Variants in ATP2B4 observed in about 807,000 individuals in gnomAD.
ATP2B4 encodes the protein ATPase plasma membrane Ca2+ transporting 4.
Under a neutral mutation model 110.3 loss-of-function variants are expected in ATP2B4, and 39 were observed. The ratio of observed to expected loss-of-function variants is 0.35; its 90% CI spans 0.27 to 0.46. The LOEUF (loss-of-function observed/expected upper bound fraction) is 0.46. Ranked by LOEUF, ATP2B4 falls within the 20% of genes least tolerant of loss-of-function variation. ATP2B4 has a pLI of 1.00. For missense variants in ATP2B4, 1,135 were observed against 1,530.9 expected, an observed-to-expected ratio of 0.74 and a Z score of 4.32; for synonymous variants, 538 against 571.7, an observed-to-expected ratio of 0.94 and a Z score of 0.84.
At chr1:203,675,493 T>A (rs1664801724) in intron 1 of ATP2B4, among the ~76,000 whole-genome samples, 1 of 152,180 alleles carries the variant, frequency 6.6e-6, no homozygotes. Flanking sequence ...TTGGAAGATG[T>A]AGCCAGGACT....
chr1:203,631,680 G>A (rs1663272319), intron 1 of ATP2B4, among the ~76,000 whole-genome samples: 1 of 152,166 alleles, frequency 6.6e-6, no homozygotes, highest in Non-Finnish European at 1.5e-5. Flanking sequence ...CGGGAAGTTA[G>A]CAATATCTAA....
chr1:203,675,451 A>C (rs917088818), intron 1 of ATP2B4, among the ~76,000 whole-genome samples: 1 of 152,116 alleles, frequency 6.6e-6, no homozygotes, highest in Admixed American at 6.5e-5. Context: ...ATCCTTGCAC[A>C]TGCCCCCTCC....
At chr1:203,722,194 G>T (rs569507918) in intron 17 of ATP2B4, among the ~76,000 whole-genome samples, 1 of 152,232 alleles carries the variant, frequency 6.6e-6, no homozygotes, top group East Asian at 1.9e-4. Context: ...AATTAGCCAG[G>T]CATGGTGGTG....
intron 1 of ATP2B4, among the ~76,000 whole-genome samples, chr1:203,673,905 T>C (rs1256156440): frequency 1.3e-5 from 2 of 152,136 alleles, no homozygotes; most frequent in Admixed American, 6.5e-5. Flanking sequence ...CCCCTCTCCA[T>C]AAGCATGACA....
chr1:203,699,542 A>G lies in ATP2B4; in HGVS notation c.474A>G (p.Ser158=), dbSNP rs779826169. The G allele has an allele frequency of 8.1e-6, 13 of 1,614,144 alleles. No homozygotes were observed. The highest frequency in any genetic ancestry group is 1.1e-5 in the Non-Finnish European group (13 of 1,180,008). The change falls in exon 4 of 21, where the codon TCA becomes TCG. Residue 158 remains serine (S), a synonymous_variant. Transcript: ENST00000357681. ...GWIEGAAILF[S]VIIVVLVTAF... is the part of the protein sequence containing the mutation. Reference sequence around the variant, plus strand: ...TTGAGGGGGCAGCCATCCTTTTCTCAGTGATCATCGTGGTGTTAGTGACTG... The same window carrying G: ...TTGAGGGGGCAGCCATCCTTTTCTCGGTGATCATCGTGGTGTTAGTGACTG...
At position 203,712,233 on chromosome 1, in the gene ATP2B4, G is replaced by C; in HGVS notation, c.2211+94G>C. 5 of 1,392,708 alleles carry C rather than the reference G, an allele frequency of 3.6e-6. No homozygotes were observed. The South Asian group carries it at 6.8e-5, about 19-fold the overall frequency. The allele number at this position is 1,392,708 out of a possible 1,614,324, so 86.3% of individuals were successfully genotyped here. On this transcript the variant is annotated intron_variant, in intron 13 of 20. Coordinates refer to ENST00000357681, the MANE Select transcript of ATP2B4 (RefSeq NM_001684.5). Reference sequence around the variant, plus strand: ...CTGGGTCATGTGCGGGAAGGTGGGTGGTTTCTAAAGTGAAAGCTATTCGTA... The same window carrying C: ...CTGGGTCATGTGCGGGAAGGTGGGTCGTTTCTAAAGTGAAAGCTATTCGTA...
chr1:203,716,233 CA>C (rs1173417877), intron 15 of ATP2B4, among the ~76,000 whole-genome samples: 2 of 144,962 alleles, frequency 1.4e-5, no homozygotes, highest in African/African-American at 2.5e-5. Context: ...AAGAAAAAGA[CA>C]ATGGCAGAAT....
intron 1 of ATP2B4, among the ~76,000 whole-genome samples, chr1:203,653,737 A>C (rs1025518390): frequency 6.6e-6 from 1 of 151,936 alleles, no homozygotes; most frequent in Admixed American, 6.6e-5. Context: ...TTATATTTTT[A>C]GTAGAGACGG....
chr1:203,637,011 C>T (rs944382278), intron 1 of ATP2B4, among the ~76,000 whole-genome samples: 5 of 152,086 alleles, frequency 3.3e-5, no homozygotes, highest in Non-Finnish European at 7.3e-5. Flanking sequence ...CTTCCAAGGC[C>T]GTAATTCTGC....
At chr1:203,688,473 A>AT (rs5780192) in intron 2 of ATP2B4, among the ~76,000 whole-genome samples, 123,891 of 149,082 alleles carry the variant, frequency 0.83, 52,255 homozygotes, top group East Asian at 1. Flanking sequence ...TAATTTTTGT[A>AT]TTTTTTTTTG....
intron 2 of ATP2B4, among the ~76,000 whole-genome samples, chr1:203,687,251 TAAGAAAGAAAAAGAAAGAA>T (rs897000147): frequency 1.6e-4 from 13 of 83,174 alleles, no homozygotes; most frequent in African/African-American, 4.3e-4. Context: ...GAGAAAAAAA[TAAGAAAGAAAAAGAAAGAA>T]AAGAAAGAAA....
At chr1:203,648,689 G>C (rs190938818) in intron 1 of ATP2B4, among the ~76,000 whole-genome samples, 156 of 152,306 alleles carry the variant, frequency 1.0e-3, no homozygotes, top group African/African-American at 3.5e-3. Context: ...CATGACTCTG[G>C]GGAAGGCTTG....
At chr1:203,700,172 C>T (rs1665649547) in intron 4 of ATP2B4, 34 bp from the exon 5 acceptor site, 4 of 1,600,568 alleles carry the variant, frequency 2.5e-6, no homozygotes, top group Middle Eastern at 3.3e-4. Context: ...CTTACTATCT[C>T]CTTCACTGTC....
At position 203,700,069 on chromosome 1, in the gene ATP2B4, T is replaced by C. The variant is rs1353198048; in HGVS notation, c.650-137T>C. The C allele has an allele frequency of 3.8e-6, 4 of 1,060,248 alleles. No homozygotes were observed. In the Admixed American group the frequency reaches 9.4e-5, roughly 25 times the overall value. 65.7% of individuals were successfully genotyped at this position (1,060,248 alleles called of 1,614,324 possible). A position where few individuals can be genotyped will look rare whatever the true frequency, so the allele number is the denominator to read the frequency against. On this transcript the variant is annotated intron_variant, in intron 4 of 20. Coordinates refer to ENST00000357681, the MANE Select transcript of ATP2B4 (RefSeq NM_001684.5). The stretch of plus-strand genomic sequence containing the variant: ...GCTGAAGACTTGTAAAGAGTCTCCA[T>C]GTACTCTCGGCCATTGCTGTCTAGA...
chr1:203,723,796 G>C, intron 18 of ATP2B4, 85 bp from the exon 19 acceptor site: 1 of 1,036,242 alleles, frequency 9.7e-7, no homozygotes, highest in South Asian at 1.6e-5. Flanking sequence ...GGAGTGGGAT[G>C]ATGTGGCTTT....
At chr1:203,735,002 C>CAAAAAAAAA (rs35552196) in intron 20 of ATP2B4, among the ~76,000 whole-genome samples, 11 of 57,120 alleles carry the variant, frequency 1.9e-4, no homozygotes, top group Admixed American at 5.5e-4. Flanking sequence ...GACTCCATCT[C>CAAAAAAAAA]AAAAAAAAAA....
At chr1:203,688,415 T>C (rs569213250) in intron 2 of ATP2B4, among the ~76,000 whole-genome samples, 10 of 152,082 alleles carry the variant, frequency 6.6e-5, no homozygotes, top group African/African-American at 2.4e-4. Flanking sequence ...CCTCCCACCT[T>C]AGCCTCCTGG....
Position 203,727,447 on chromosome 1 carries a change from A to G in ATP2B4, c.3185A>G (p.His1062Arg). The change falls in exon 20 of 21, where the codon CAT (histidine) becomes CGT (arginine). Residue 1062 changes from histidine to arginine, a missense_variant. Physicochemically the swap from His to Arg is conservative, Grantham distance 29. Transcript: ENST00000357681. Reference protein sequence around the residue: ...RSLKFLKEAGHGTTKEEITKD... With the variant: ...RSLKFLKEAGRGTTKEEITKD... Reference sequence around the variant, plus strand: ...CTGAAGTTCCTGAAGGAGGCTGGGCATGGCACCACCAAAGAGGAGATCACC... The same window carrying G: ...CTGAAGTTCCTGAAGGAGGCTGGGCGTGGCACCACCAAAGAGGAGATCACC... 2 of 1,614,218 alleles carry G rather than the reference A, an allele frequency of 1.2e-6. No individual in the cohort carries two copies. The highest frequency in any genetic ancestry group is 1.7e-6 in the Non-Finnish European group (2 of 1,180,020).
intron 1 of ATP2B4, among the ~76,000 whole-genome samples, chr1:203,660,921 G>A (rs1397696578): frequency 6.6e-6 from 1 of 151,636 alleles, no homozygotes; most frequent in Non-Finnish European, 1.5e-5. Flanking sequence ...GACCAGCTTG[G>A]CAACATGGTG....
Sources: allele counts gnomAD v4.1 joint callset (sites outside exome capture counted in the v4.1 genomes callset), GRCh38; gene constraint gnomAD v4.1.1; transcripts MANE v1.5; gene names NCBI Gene and HGNC (gene_info 2026-07-23, HGNC 2026-07-21).